Variants in TMOD1 observed in about 807,000 individuals in gnomAD.
TMOD1 encodes the protein tropomodulin-1.
In TMOD1, 17 loss-of-function variants were observed where a neutral mutation model predicts 40.6. The observed-to-expected ratio is 0.42, with a 90% CI of 0.29 to 0.63. The LOEUF (loss-of-function observed/expected upper bound fraction) is 0.63. Ranked by LOEUF, TMOD1 falls within the 20% of genes least tolerant of loss-of-function variation. TMOD1 has a pLI of 0.22. For synonymous variants in TMOD1, 181 were observed against 175.0 expected (o/e 1.03, Z -0.27); for missense variants, 391 against 447.6 (o/e 0.87, Z 1.14).
chr9:97,539,971 C>CAAAAAAAAA (rs34844299), intron 2 of TMOD1, among the ~76,000 whole-genome samples: 3 of 71,954 alleles, frequency 4.2e-5, no homozygotes, highest in African/African-American at 5.4e-5. Flanking sequence ...GACTCTGTCT[C>CAAAAAAAAA]AAAAAAAAAA....
Position 97,524,165 on chromosome 9 carries a change from G to C in TMOD1, c.-24G>C, listed in dbSNP as rs763140685. 1.2e-6 allele frequency: 2 copies of C among 1,611,036 alleles called. No individual in the cohort carries two copies. The highest frequency in any genetic ancestry group is 1.1e-5 in the South Asian group (1 of 90,522). ...GGTATTACTCAGCACAGAAATTCAG[G>C]AGACACAGACAAGTTCTTCCACGAT... On this transcript the variant is annotated 5_prime_UTR_variant, in exon 2 of 10. Coordinates refer to ENST00000259365, the MANE Select transcript of TMOD1 (RefSeq NM_003275.4).
intron 2 of TMOD1, among the ~76,000 whole-genome samples, chr9:97,524,552 A>C (rs1829974476): frequency 7.0e-6 from 1 of 142,668 alleles, no homozygotes; most frequent in African/African-American, 2.8e-5. Context: ...ACAGAGAGAG[A>C]AGGGGAGAGA....
chr9:97,552,351 G>T (rs1047901602), intron 3 of TMOD1, among the ~76,000 whole-genome samples: 1 of 151,890 alleles, frequency 6.6e-6, no homozygotes, highest in Non-Finnish European at 1.5e-5. Flanking sequence ...CCAAAACAGC[G>T]GTGCACACCC....
intron 8 of TMOD1, among the ~76,000 whole-genome samples, chr9:97,587,771 C>T (rs1825912929): frequency 6.6e-6 from 1 of 152,186 alleles, no homozygotes; most frequent in Admixed American, 6.5e-5. Flanking sequence ...CTCCCCCAGC[C>T]CCTGGCAACC....
chr9:97,529,494 C>T (rs1830067578), intron 2 of TMOD1, among the ~76,000 whole-genome samples: 1 of 151,372 alleles, frequency 6.6e-6, no homozygotes, highest in Non-Finnish European at 1.5e-5. Flanking sequence ...ACTTGGAAAG[C>T]AGCTCTGTTT....
intron 8 of TMOD1, among the ~76,000 whole-genome samples, chr9:97,577,443 T>G (rs886847050): frequency 1.9e-4 from 29 of 152,312 alleles, no homozygotes; most frequent in African/African-American, 7.0e-4. Flanking sequence ...ATGCTAGGAT[T>G]TGGGAAAAAT....
intron 2 of TMOD1, among the ~76,000 whole-genome samples, chr9:97,544,495 C>T (rs1403305738): frequency 2.6e-5 from 4 of 151,524 alleles, no homozygotes; most frequent in African/African-American, 9.7e-5. Flanking sequence ...GAGATCACAC[C>T]ACTGCACTCC....
intron 8 of TMOD1, among the ~76,000 whole-genome samples, chr9:97,587,378 C>T (rs978839367): frequency 9.2e-5 from 14 of 152,284 alleles, no homozygotes; most frequent in Admixed American, 2.0e-4. Context: ...TTCTCACCAA[C>T]GTTTGGTGTT....
At chr9:97,542,684 C>T in intron 2 of TMOD1, among the ~76,000 whole-genome samples, 1 of 151,894 alleles carries the variant, frequency 6.6e-6, no homozygotes, top group Non-Finnish European at 1.5e-5. Context: ...GAAACCCCGC[C>T]TCTACTAGAA....
chr9:97,595,155 TG>T (rs2131295497), intron 9 of TMOD1, among the ~76,000 whole-genome samples: 1 of 152,382 alleles, frequency 6.6e-6, no homozygotes, highest in African/African-American at 2.4e-5. Context: ...AGTGCTGTTA[TG>T]ATTTATGAAT....
At chr9:97,596,233 T>G (rs2805783) in intron 9 of TMOD1, among the ~76,000 whole-genome samples, 1 of 151,740 alleles carries the variant, frequency 6.6e-6, no homozygotes, top group Non-Finnish European at 1.5e-5. Context: ...TCGTCACAGT[T>G]ATCTCCTCCA....
intron 9 of TMOD1, among the ~76,000 whole-genome samples, chr9:97,592,073 T>C (rs1826013809): frequency 7.8e-6 from 1 of 128,796 alleles, no homozygotes; most frequent in East Asian, 2.3e-4. Context: ...TTTTTGATAA[T>C]GAACACTTAT....
rs375191633 is a variant in TMOD1, at chr9:97,520,779, C to G, written c.-48-3362C>G. On this transcript the variant is annotated intron_variant, in intron 1 of 9. Coordinates refer to ENST00000259365, the MANE Select transcript of TMOD1 (RefSeq NM_003275.4). ...TTAGGAAATTTCATGATTTGCCCCC[C>G]TCAGGGTGGCATCTCTAGGGGAGGC... 3.9e-5 allele frequency among the ~76,000 whole-genome samples: 6 copies of G among 152,170 alleles called. No individual in the cohort carries two copies. In the East Asian group the frequency reaches 7.7e-4, roughly 20 times the overall value.
At position 97,502,111 on chromosome 9, in the gene TMOD1, A is replaced by AG. The variant is rs1414417892; in HGVS notation, c.-49+310dup. Among the ~76,000 whole-genome samples the AG allele has an allele frequency of 6.6e-6, 1 of 151,844 alleles. No individual in the cohort carries two copies. The highest frequency in any genetic ancestry group is 1.5e-5 in the Non-Finnish European group (1 of 67,928). ...ACGCGAGAAGGACCCGGGGTTCTGG[A>AG]GGAGACGGCGCCCCGGGCTGGGGTC... On this transcript the variant is annotated intron_variant, in intron 1 of 9. Transcript: ENST00000259365. This position sits in a 1 kb window ranked among gnomAD's most constrained non-coding sequence, Gnocchi z 6.1.
At chr9:97,504,264 C>T (rs1304646869) in intron 1 of TMOD1, among the ~76,000 whole-genome samples, 3 of 152,044 alleles carry the variant, frequency 2.0e-5, no homozygotes, top group African/African-American at 7.3e-5. Context: ...TGATAGTATT[C>T]GTTGTGGTGA....
intron 8 of TMOD1, among the ~76,000 whole-genome samples, chr9:97,576,629 CT>C (rs11326860): frequency 0.37 from 52,819 of 144,418 alleles, 9,284 homozygotes; most frequent in Middle Eastern, 0.5. Context: ...ATGATGGTTA[CT>C]TTTTTTTTTT....
intron 8 of TMOD1, among the ~76,000 whole-genome samples, chr9:97,586,222 C>T (rs948025588): frequency 6.6e-6 from 1 of 152,182 alleles, no homozygotes; most frequent in African/African-American, 2.4e-5. Context: ...TTCCTTCTAA[C>T]AGAGAGGACC....
intron 9 of TMOD1, among the ~76,000 whole-genome samples, chr9:97,595,925 T>C (rs1441942959): frequency 6.6e-6 from 1 of 151,664 alleles, no homozygotes; most frequent in African/African-American, 2.4e-5. Flanking sequence ...ATACAAAAAA[T>C]TAGCCGGGCA....
At chr9:97,523,440 G>T (rs4742696) in intron 1 of TMOD1, among the ~76,000 whole-genome samples, 1 of 152,172 alleles carries the variant, frequency 6.6e-6, no homozygotes, top group African/African-American at 2.4e-5. Context: ...GGGTGACTCC[G>T]CAGAGAAGGT....
Sources: allele counts gnomAD v4.1 joint callset (sites outside exome capture counted in the v4.1 genomes callset), GRCh38; gene constraint gnomAD v4.1.1; non-coding constraint Gnocchi (gnomAD v3.1); transcripts MANE v1.5; gene names NCBI Gene and HGNC (gene_info 2026-07-23, HGNC 2026-07-21).